The following ANK2 variants were observed in gnomAD, a reference collection of about 807,000 sequenced individuals.
ANK2 encodes ankyrin-2.
A neutral mutation model predicts 360.5 loss-of-function variants in ANK2; 83 were observed. The observed-to-expected ratio is 0.23, with a 90% confidence interval of 0.19 to 0.28. The LOEUF (loss-of-function observed/expected upper bound fraction) is 0.28, where lower values mean the gene tolerates loss of function less well. ANK2 is among the 10% of genes least tolerant of loss of function. The pLI is 1.00. For synonymous variants in ANK2, 1,740 were observed against 1,759.5 expected, an observed-to-expected ratio of 0.99 and a Z score of 0.28; for missense variants, 4,201 against 4,795.7, an observed-to-expected ratio of 0.88 and a Z score of 3.66.
At chr4:112,930,511 C>T (rs2154236000) in intron 2 of ANK2, among the ~76,000 whole-genome samples, 1 of 151,152 alleles carries the variant, frequency 6.6e-6, no homozygotes, top group African/African-American at 2.4e-5. Context: ...TCTACCCAGG[C>T]AGGGGAGTTA....
intron 1 of ANK2, among the ~76,000 whole-genome samples, chr4:113,076,619 A>T (rs1008440034): frequency 6.6e-6 from 1 of 152,056 alleles, no homozygotes; most frequent in African/African-American, 2.4e-5. Context: ...AGCATAACGA[A>T]ACCCTGTCTC....
chr4:113,223,131 A>G (rs1306726227), intron 4 of ANK2, among the ~76,000 whole-genome samples: 6 of 152,148 alleles, frequency 3.9e-5, no homozygotes, highest in Non-Finnish European at 8.8e-5. Flanking sequence ...CTTGGTGACA[A>G]TTTGGGGATG....
chr4:113,193,888 G>A (rs190998133), intron 2 of ANK2, among the ~76,000 whole-genome samples: 4 of 152,188 alleles, frequency 2.6e-5, no homozygotes, highest in Admixed American at 2.6e-4. Context: ...TACAATTAAA[G>A]ATGTTATATA....
chr4:113,147,989 C>T (rs1236771070), intron 1 of ANK2, among the ~76,000 whole-genome samples: 2 of 152,132 alleles, frequency 1.3e-5, no homozygotes, highest in Admixed American at 6.5e-5. Flanking sequence ...ATGCAGATGA[C>T]TGGTGGGTGT....
At chr4:113,286,241 C>G (rs768034504) in intron 18 of ANK2, among the ~76,000 whole-genome samples, 25 of 152,040 alleles carry the variant, frequency 1.6e-4, no homozygotes, top group Non-Finnish European at 2.5e-4. Context: ...CTTGTTTTAT[C>G]CTAATATTCA....
At chr4:113,248,416 G>A (rs1206095000) in intron 9 of ANK2, among the ~76,000 whole-genome samples, 1 of 152,072 alleles carries the variant, frequency 6.6e-6, no homozygotes, top group Non-Finnish European at 1.5e-5. Flanking sequence ...TGGCAGGAAG[G>A]TAAACTTTCG....
chr4:113,243,858 A>C (rs190588179), intron 9 of ANK2, among the ~76,000 whole-genome samples: 2 of 152,202 alleles, frequency 1.3e-5, no homozygotes, highest in Non-Finnish European at 2.9e-5. Flanking sequence ...GCATTTTGGA[A>C]ATGCAAAAAA....
chr4:113,115,254 T>C (rs1311234919), intron 1 of ANK2, among the ~76,000 whole-genome samples: 1 of 152,208 alleles, frequency 6.6e-6, no homozygotes, highest in African/African-American at 2.4e-5. Flanking sequence ...TGTGTATTTC[T>C]CTGTAAATAT....
chr4:113,127,982 T>C (rs778184813), intron 1 of ANK2, among the ~76,000 whole-genome samples: 11 of 152,148 alleles, frequency 7.2e-5, no homozygotes, highest in Non-Finnish European at 1.3e-4. Flanking sequence ...TTCAATGATA[T>C]TAAAAAATGC....
the ANK2 span, among the ~76,000 whole-genome samples, chr4:112,727,968 A>G: frequency 1.5e-4 from 23 of 150,902 alleles, 1 homozygote; most frequent in Non-Finnish European, 1.5e-5. Context: ...CAAGAGCGAA[A>G]CTCTGTCTCA....
At chr4:113,079,800 T>C (rs7694725) in intron 1 of ANK2, among the ~76,000 whole-genome samples, 115,742 of 151,948 alleles carry the variant, frequency 0.76, 44,382 homozygotes, top group Non-Finnish European at 0.82. Flanking sequence ...ATTACCCAAA[T>C]TCAATAAAGC....
At chr4:113,067,513 G>A (rs146947893) in intron 1 of ANK2, among the ~76,000 whole-genome samples, 2 of 152,304 alleles carry the variant, frequency 1.3e-5, no homozygotes, top group East Asian at 3.9e-4. Context: ...CATTTGAAGT[G>A]TAACACTTGG....
intron 4 of ANK2, among the ~76,000 whole-genome samples, chr4:113,202,526 T>C (rs2098845240): frequency 6.6e-6 from 1 of 152,212 alleles, no homozygotes. Context: ...TGCAGAATAG[T>C]CTGAAATTAT....
Position 113,082,885 on chromosome 4 carries a change from G to A in ANK2, c.84+33073G>A, listed in dbSNP as rs78270002. On this transcript the variant is annotated intron_variant, in intron 1 of 45. Coordinates refer to ENST00000357077, the MANE Select transcript of ANK2 (RefSeq NM_001148.6). ...AATATGTAAATTTTGCTATAAAATC[G>A]AGCCATCTTTGTAAAAGTGATCCTG... 7.6e-3 allele frequency among the ~76,000 whole-genome samples: 1,159 copies of A among 151,804 alleles called. 35 individuals are homozygous for A. In the East Asian group the frequency reaches 0.093, roughly 12 times the overall value.
chr4:113,288,565 C>A (rs2065912039), intron 20 of ANK2, 79 bp downstream of exon 20: 1 of 1,197,512 alleles, frequency 8.4e-7, no homozygotes, highest in Admixed American at 1.8e-5. Context: ...TTTACCAAAG[C>A]TACAAGTGTA....
chr4:113,012,898 A>G (rs1356806319), intron 2 of ANK2, among the ~76,000 whole-genome samples: 1 of 152,174 alleles, frequency 6.6e-6, no homozygotes, highest in Non-Finnish European at 1.5e-5. Flanking sequence ...ATAGATGCCT[A>G]TCACTGAGAT....
At chr4:113,196,240 A>C in intron 2 of ANK2, 128 bp from the exon 3 acceptor site, 2 of 714,230 alleles carry the variant, frequency 2.8e-6, no homozygotes, top group Non-Finnish European at 4.8e-6. Flanking sequence ...TCAAGATTCT[A>C]ATGCAAAAAG....
intron 2 of ANK2, among the ~76,000 whole-genome samples, chr4:113,179,493 G>T (rs28401224): frequency 0.47 from 71,373 of 151,930 alleles, 17,207 homozygotes; most frequent in African/African-American, 0.58. Context: ...AAATGATATG[G>T]GGAAAATTCA....
intron 1 of ANK2, among the ~76,000 whole-genome samples, chr4:113,104,102 G>T (rs1232960931): frequency 6.6e-6 from 1 of 152,044 alleles, no homozygotes; most frequent in East Asian, 1.9e-4. Context: ...CCAGCTTGTT[G>T]TTCTTTTCAG....
Sources: gnomAD v4.1 joint callset for allele counts (sites outside exome capture counted in the v4.1 genomes callset) on GRCh38, gnomAD v4.1.1 for gene constraint, MANE v1.5 for transcripts, NCBI Gene and HGNC (gene_info 2026-07-23, HGNC 2026-07-21) for gene names.